The following RERG variants were observed in gnomAD, a reference collection of about 807,000 sequenced individuals.
RERG encodes the protein RAS like estrogen regulated growth inhibitor, also known as ras-related and estrogen-regulated growth inhibitor.
A neutral mutation model predicts 23.2 loss-of-function variants in RERG; 25 were observed. The observed-to-expected ratio is 1.08, with a 90% confidence interval of 0.79 to 1.50. The LOEUF (loss-of-function observed/expected upper bound fraction) is 1.50. RERG is among the 40% of genes most tolerant of loss of function. RERG has a pLI of 0.00. For missense variants in RERG, 253 were observed against 250.1 expected (o/e 1.01, Z -0.08); for synonymous variants, 81 against 89.1 (o/e 0.91, Z 0.51).
At chr12:15,134,853 T>G (rs34828371) in intron 2 of RERG, among the ~76,000 whole-genome samples, 72 of 152,230 alleles carry the variant, frequency 4.7e-4, no homozygotes, top group Middle Eastern at 6.8e-3. Context: ...TCAAGTGATC[T>G]GCCCACCTCA....
intron 3 of RERG, among the ~76,000 whole-genome samples, chr12:15,112,927 A>T (rs925967817): frequency 2.0e-5 from 3 of 152,208 alleles, no homozygotes; most frequent in Admixed American, 1.3e-4. Flanking sequence ...ATCTAAACCT[A>T]TTATGACAAA....
At chr12:15,137,928 AT>A (rs748888389) in intron 2 of RERG, 307 of 387,920 alleles carry the variant, frequency 7.9e-4, no homozygotes, top group South Asian at 1.3e-3. Context: ...GTATCGTATC[AT>A]TTTTTTTTCA....
At position 15,177,121 on chromosome 12, in the gene RERG, C is replaced by G. The variant is rs537162947; in HGVS notation, c.61+40308G>C. ...TGTCAACATTCAAATAAATTTAAGA[C>G]CATATTTTGGCATGATAAGTTCTAG... On this transcript the variant is annotated intron_variant, in intron 2 of 4. Coordinates refer to ENST00000256953, the MANE Select transcript of RERG (RefSeq NM_032918.3). 2.0e-5 allele frequency among the ~76,000 whole-genome samples: 3 copies of G among 152,252 alleles called. No individual in the cohort carries two copies. The East Asian group carries it at 5.8e-4, about 29-fold the overall frequency.
chr12:15,130,087 C>G (rs1192381249), intron 2 of RERG, among the ~76,000 whole-genome samples: 2 of 152,116 alleles, frequency 1.3e-5, no homozygotes, highest in Non-Finnish European at 2.9e-5. Flanking sequence ...TAGAGAATTG[C>G]CATCCATCCA....
At chr12:15,203,099 TATC>T (rs1429582034) in intron 2 of RERG, among the ~76,000 whole-genome samples, 1 of 151,764 alleles carries the variant, frequency 6.6e-6, no homozygotes, top group Non-Finnish European at 1.5e-5. Flanking sequence ...CTGCTGGCCA[TATC>T]TATGTCTTCT....
At chr12:15,131,515 A>G (rs906439978) in intron 2 of RERG, among the ~76,000 whole-genome samples, 1 of 152,190 alleles carries the variant, frequency 6.6e-6, no homozygotes, top group Admixed American at 6.5e-5. Context: ...AGAAAGAAAT[A>G]CTTATGATGT....
At chr12:15,119,573 A>C (rs1274384369) in intron 3 of RERG, among the ~76,000 whole-genome samples, 2 of 152,154 alleles carry the variant, frequency 1.3e-5, no homozygotes, top group Non-Finnish European at 2.9e-5. Context: ...GGTGGGTAAA[A>C]TAATAAAGAA....
chr12:15,148,727 A>C (rs1864376562), intron 2 of RERG, among the ~76,000 whole-genome samples: 1 of 151,792 alleles, frequency 6.6e-6, no homozygotes. Context: ...ATTTTTAAAT[A>C]CTCGTATATT....
At chr12:15,138,928 T>C (rs1259636543) in intron 2 of RERG, among the ~76,000 whole-genome samples, 3 of 150,902 alleles carry the variant, frequency 2.0e-5, no homozygotes, top group African/African-American at 7.3e-5. Context: ...TACTATAATC[T>C]AGAAACCTTA....
At chr12:15,111,640 G>A (rs935928963) in intron 3 of RERG, among the ~76,000 whole-genome samples, 1 of 151,190 alleles carries the variant, frequency 6.6e-6, no homozygotes. Context: ...CTTTCAGAAT[G>A]TAGAATAGGG....
At chr12:15,156,542 ATT>A (rs1362933236) in intron 2 of RERG, among the ~76,000 whole-genome samples, 1 of 152,178 alleles carries the variant, frequency 6.6e-6, no homozygotes, top group African/African-American at 2.4e-5. Context: ...TCACTTCAAA[ATT>A]TTCACAAGAA....
intron 2 of RERG, among the ~76,000 whole-genome samples, chr12:15,136,250 C>G (rs1442883249): frequency 6.6e-6 from 1 of 151,814 alleles, no homozygotes; most frequent in East Asian, 1.9e-4. Flanking sequence ...TGATATCTAT[C>G]CCCTCTGTCA....
At chr12:15,124,756 A>G (rs547556545) in intron 2 of RERG, among the ~76,000 whole-genome samples, 6 of 152,098 alleles carry the variant, frequency 3.9e-5, no homozygotes, top group African/African-American at 1.2e-4. Context: ...TGGAAAAAGT[A>G]TTATGTATTT....
chr12:15,155,465 G>A (rs1864508122), intron 2 of RERG, among the ~76,000 whole-genome samples: 1 of 152,174 alleles, frequency 6.6e-6, no homozygotes, highest in Non-Finnish European at 1.5e-5. Context: ...CACCCCTGTG[G>A]CCTGCTGACA....
intron 2 of RERG, among the ~76,000 whole-genome samples, chr12:15,124,707 T>A (rs1370664925): frequency 1.3e-5 from 2 of 152,050 alleles, no homozygotes; most frequent in African/African-American, 4.8e-5. Flanking sequence ...CAACAATAAG[T>A]ATTTATTATG....
At chr12:15,121,880 G>A (rs1217126045) in intron 2 of RERG, among the ~76,000 whole-genome samples, 1 of 152,152 alleles carries the variant, frequency 6.6e-6, no homozygotes, top group African/African-American at 2.4e-5. Flanking sequence ...CTGAATTTAA[G>A]TCCTAGGCCA....
intron 2 of RERG, among the ~76,000 whole-genome samples, chr12:15,173,964 T>G (rs1864811273): frequency 1.3e-5 from 2 of 152,052 alleles, no homozygotes; most frequent in Admixed American, 1.3e-4. Context: ...ATACTTTTAT[T>G]CTGCCTTTTA....
intron 2 of RERG, among the ~76,000 whole-genome samples, chr12:15,161,155 AAAGAAAG>A (rs2136113381): frequency 9.2e-6 from 1 of 108,332 alleles, no homozygotes; most frequent in Non-Finnish European, 2.0e-5. Context: ...AGAAAGAAAG[AAAGAAAG>A]AAAGAAAGAA....
chr12:15,160,087 T>C (rs977711762), intron 2 of RERG, among the ~76,000 whole-genome samples: 4 of 152,182 alleles, frequency 2.6e-5, no homozygotes, highest in Non-Finnish European at 5.9e-5. Flanking sequence ...CAAATCTGTT[T>C]CATTATAATG....
Sources: allele counts gnomAD v4.1 joint callset (sites outside exome capture counted in the v4.1 genomes callset), GRCh38; gene constraint gnomAD v4.1.1; transcripts MANE v1.5; gene names NCBI Gene and HGNC (gene_info 2026-07-23, HGNC 2026-07-21).